Variants in POLA1 observed in about 807,000 individuals in gnomAD.
POLA1 encodes the protein DNA polymerase alpha catalytic subunit.
Under a neutral mutation model 124.0 loss-of-function variants are expected in POLA1, and 15 were observed. That is an observed-to-expected ratio of 0.12 (90% CI 0.08 to 0.19). The LOEUF is 0.19. POLA1 is among the 10% of genes least tolerant of loss of function. The probability of loss-of-function intolerance (pLI) is 1.00; values close to 1 mark genes in which losing one functional copy is unlikely to be tolerated. For missense variants in POLA1, 886 were observed against 1,103.4 expected (o/e 0.80, Z 2.79); for synonymous variants, 408 against 389.4 (o/e 1.05, Z -0.56).
At chrX:24,993,072 G>A (rs1381893164) in intron 36 of POLA1, among the ~76,000 whole-genome samples, 1 of 112,372 alleles carries the variant, frequency 8.9e-6, no homozygotes, top group African/African-American at 3.2e-5. Context: ...GGGAATCAGA[G>A]CATGTAGAAA....
At chrX:24,987,595 T>G (rs962509574) in intron 36 of POLA1, among the ~76,000 whole-genome samples, 17 of 111,914 alleles carry the variant, frequency 1.5e-4, no homozygotes, top group Non-Finnish European at 2.4e-4. Context: ...CTGATTTGGC[T>G]TAATCAAAAA....
chrX:24,812,576 A>T (rs1363564531), intron 28 of POLA1, 82 bp from the exon 29 acceptor site: 34 of 576,943 alleles, frequency 5.9e-5, no homozygotes, highest in Non-Finnish European at 8.9e-5. Context: ...TGTTTAGATT[A>T]ACTCTTGGGA....
intron 17 of POLA1, chrX:24,734,074 T>C (rs1161089499): frequency 1.0e-5 from 2 of 199,887 alleles, no homozygotes; most frequent in African/African-American, 3.0e-5. Flanking sequence ...CCCCCTCCAA[T>C]AGCTTAATTA....
chrX:24,760,936 T>C (rs966817982), intron 26 of POLA1, among the ~76,000 whole-genome samples: 3 of 111,990 alleles, frequency 2.7e-5, no homozygotes, highest in Non-Finnish European at 5.6e-5. Context: ...GTTTCCTTTT[T>C]ATTGTTAATT....
chrX:24,949,983 C>T (rs1193432395), intron 36 of POLA1, among the ~76,000 whole-genome samples: 7 of 111,258 alleles, frequency 6.3e-5, no homozygotes, highest in Non-Finnish European at 9.4e-5. Context: ...CCGCCCACCT[C>T]GGCCTCCCAA....
At chrX:24,738,221 A>C (rs1459929163) in intron 19 of POLA1, among the ~76,000 whole-genome samples, 4 of 82,906 alleles carry the variant, frequency 4.8e-5, no homozygotes, top group Non-Finnish European at 6.3e-5. Flanking sequence ...CTCCGTCTCA[A>C]AAAAAAAAAA....
intron 34 of POLA1, among the ~76,000 whole-genome samples, chrX:24,865,117 C>T (rs1312560191): frequency 8.9e-6 from 1 of 111,808 alleles, no homozygotes; most frequent in Non-Finnish European, 1.9e-5. Context: ...AGCCTATATG[C>T]TCTTTTCAGA....
At chrX:24,790,874 G>A (rs928313999) in intron 26 of POLA1, among the ~76,000 whole-genome samples, 11 of 99,775 alleles carry the variant, frequency 1.1e-4, no homozygotes, top group South Asian at 9.5e-4. Context: ...CTCATTTTAC[G>A]TGTATATACA....
chrX:24,709,281 C>T (rs1332767859), intron 4 of POLA1, among the ~76,000 whole-genome samples: 3 of 91,029 alleles, frequency 3.3e-5, no homozygotes, highest in Admixed American at 2.1e-4. Flanking sequence ...CACGGCTGGC[C>T]AGGCGGGGGG....
chrX:24,727,674 T>C, intron 14 of POLA1, 108 bp from the exon 15 acceptor site: 1 of 589,175 alleles, frequency 1.7e-6, no homozygotes, highest in South Asian at 3.6e-5. Flanking sequence ...TCATTCTTAT[T>C]AGAAGGCAGG....
At chrX:24,915,099 C>T (rs892726361) in intron 35 of POLA1, among the ~76,000 whole-genome samples, 2 of 111,752 alleles carry the variant, frequency 1.8e-5, no homozygotes, top group South Asian at 3.7e-4. Context: ...GTCATATTGG[C>T]GGGTGGGACC....
At chrX:24,757,549 C>T (rs1451964366) in intron 26 of POLA1, among the ~76,000 whole-genome samples, 1 of 106,785 alleles carries the variant, frequency 9.4e-6, no homozygotes, top group African/African-American at 3.5e-5. Flanking sequence ...ACGCCATTCT[C>T]CTGCCTCAGC....
At chrX:24,962,669 A>G (rs2048181138) in intron 36 of POLA1, among the ~76,000 whole-genome samples, 1 of 111,500 alleles carries the variant, frequency 9.0e-6, no homozygotes. Flanking sequence ...CAGACCTTCC[A>G]CTCAGGATTG....
At chrX:24,969,266 A>G (rs975428996) in intron 36 of POLA1, among the ~76,000 whole-genome samples, 2 of 111,036 alleles carry the variant, frequency 1.8e-5, no homozygotes, top group Non-Finnish European at 3.8e-5. Flanking sequence ...TAGAAGAGGT[A>G]TTCTTCATTC....
chrX:24,754,295 T>C (rs1373367084), intron 26 of POLA1, among the ~76,000 whole-genome samples: 1 of 109,967 alleles, frequency 9.1e-6, no homozygotes, highest in Non-Finnish European at 1.9e-5. Flanking sequence ...TTCACTCTTG[T>C]TGCCTAGGCT....
At chrX:24,850,638 G>A (rs2046544993) in intron 34 of POLA1, among the ~76,000 whole-genome samples, 1 of 111,531 alleles carries the variant, frequency 9.0e-6, no homozygotes, top group African/African-American at 3.3e-5. Flanking sequence ...TGCTGAAACT[G>A]CAGAGAATAT....
In POLA1 at chrX:24,703,138, C is replaced by T. The variant is rs1928569803; in HGVS notation, c.169-113C>T. On this transcript the variant is annotated intron_variant, in intron 2 of 36. Transcript: ENST00000379068. Reference sequence around the variant, plus strand: ...GTCAGAACTCATGATTTGGTTGCAGCTACTCCTTCAGTCTGCCATTCCAGT... The same window carrying T: ...GTCAGAACTCATGATTTGGTTGCAGTTACTCCTTCAGTCTGCCATTCCAGT... The T allele has an allele frequency of 1.0e-5, 5 of 497,604 alleles. No individual in the cohort carries two copies. The South Asian group carries it at 1.3e-4, about 13-fold the overall frequency. The allele number at this position is 497,604 out of a possible 1,213,427, so 41.0% of individuals were successfully genotyped here. A position where few individuals can be genotyped will look rare whatever the true frequency, so the allele number is the denominator to read the frequency against.
chrX:24,835,796 G>A (rs1489088049), intron 32 of POLA1, among the ~76,000 whole-genome samples: 2 of 110,970 alleles, frequency 1.8e-5, no homozygotes, highest in Non-Finnish European at 3.8e-5. Flanking sequence ...CTTCTTCCTA[G>A]GCAATGGGGT....
chrX:24,826,370 C>A, intron 31 of POLA1, 57 bp from the exon 32 acceptor site: 1 of 924,349 alleles, frequency 1.1e-6, no homozygotes. Context: ...GATTGAGTTG[C>A]TCACAACTTT....
Sources: allele counts gnomAD v4.1 joint callset (sites outside exome capture counted in the v4.1 genomes callset), GRCh38; gene constraint gnomAD v4.1.1; transcripts MANE v1.5; gene names NCBI Gene and HGNC (gene_info 2026-07-23, HGNC 2026-07-21).